MTMR7: variants seen among roughly 807,000 people sequenced by gnomAD.
The protein encoded by MTMR7 is myotubularin related protein 7.
MTMR7 carries 76 observed loss-of-function variants against 81.2 expected under a neutral mutation model. That is an observed-to-expected ratio of 0.94 (90% confidence interval 0.78 to 1.13). MTMR7 has a LOEUF of 1.13. Ranked by LOEUF, MTMR7 falls within the 50% of genes most tolerant of loss-of-function variation. The pLI, the probability that MTMR7 is intolerant of heterozygous loss-of-function variation, is 0.00. For synonymous variants in MTMR7, 372 were observed against 289.8 expected, an observed-to-expected ratio of 1.28 and a Z score of -2.88; for missense variants, 1,044 against 820.0, an observed-to-expected ratio of 1.27 and a Z score of -3.34.
intron 6 of MTMR7, among the ~76,000 whole-genome samples, chr8:17,336,126 A>G (rs914665239): frequency 3.3e-5 from 5 of 152,214 alleles, no homozygotes; most frequent in African/African-American, 1.2e-4. Context: ...CCCAAGGTAT[A>G]GATGCAGGTT....
chr8:17,392,599 G>T (rs1821136636), intron 1 of MTMR7, among the ~76,000 whole-genome samples: 1 of 152,222 alleles, frequency 6.6e-6, no homozygotes, highest in Non-Finnish European at 1.5e-5. Context: ...TGCCTCATAG[G>T]CCACTGCAGA....
chr8:17,337,689 CA>C (rs1819288185), intron 6 of MTMR7, among the ~76,000 whole-genome samples: 1 of 149,090 alleles, frequency 6.7e-6, no homozygotes, highest in African/African-American at 2.5e-5. Context: ...AATCACAGGT[CA>C]GTGCAGCCTC....
intron 1 of MTMR7, among the ~76,000 whole-genome samples, chr8:17,391,412 T>A (rs952667498): frequency 6.6e-5 from 10 of 152,214 alleles, no homozygotes; most frequent in Non-Finnish European, 1.3e-4. Context: ...AAAGAATTTT[T>A]ACAAATTCTT....
intron 1 of MTMR7, among the ~76,000 whole-genome samples, chr8:17,403,606 C>G (rs1024926034): frequency 1.3e-5 from 2 of 152,074 alleles, no homozygotes; most frequent in African/African-American, 4.8e-5. Flanking sequence ...CTATTTCTGT[C>G]AAGAATGGCA....
intron 10 of MTMR7, among the ~76,000 whole-genome samples, chr8:17,306,609 G>C (rs1241145732): frequency 6.6e-6 from 1 of 152,084 alleles, no homozygotes. Flanking sequence ...ACTACTGTGT[G>C]AGTTTTACAG....
intron 10 of MTMR7, among the ~76,000 whole-genome samples, chr8:17,308,528 A>G (rs1208388308): frequency 6.6e-6 from 1 of 152,252 alleles, no homozygotes; most frequent in Non-Finnish European, 1.5e-5. Flanking sequence ...TTTTAAGAAA[A>G]CACAGTAAAA....
At chr8:17,335,554 G>C (rs1222418417) in intron 6 of MTMR7, among the ~76,000 whole-genome samples, 1 of 152,204 alleles carries the variant, frequency 6.6e-6, no homozygotes, top group Non-Finnish European at 1.5e-5. Context: ...CGCTGACATG[G>C]TTGGGAAATG....
At chr8:17,337,100 C>T (rs2239875) in intron 6 of MTMR7, among the ~76,000 whole-genome samples, 1,867 of 152,138 alleles carry the variant, frequency 0.012, 41 homozygotes, top group East Asian at 0.074. Flanking sequence ...GGCTGGGCAC[C>T]GTGGCTCACG....
At chr8:17,351,588 C>A (rs893079795) in intron 4 of MTMR7, among the ~76,000 whole-genome samples, 1 of 152,234 alleles carries the variant, frequency 6.6e-6, no homozygotes, top group Non-Finnish European at 1.5e-5. Context: ...GCTCAACAAC[C>A]TGCGCCCAGT....
chr8:17,322,580 G>C (rs1392018557), intron 7 of MTMR7, among the ~76,000 whole-genome samples: 2 of 152,194 alleles, frequency 1.3e-5, no homozygotes, highest in African/African-American at 4.8e-5. Context: ...AGAACTTTGG[G>C]AGGCCAAGGC....
chr8:17,299,112 A>C lies in MTMR7; in HGVS notation c.*750T>G, dbSNP rs749758647. 1 of 152,212 alleles carries C rather than the reference A, an allele frequency of 6.6e-6. No homozygotes were observed. The highest frequency in any genetic ancestry group is 2.4e-5 in the African/African-American group (1 of 41,464). 9.4% of individuals were successfully genotyped at this position (152,212 alleles called of 1,614,324 possible). A position where few individuals can be genotyped will look rare whatever the true frequency, so the allele number is the denominator to read the frequency against. On this transcript the variant is annotated 3_prime_UTR_variant, in exon 14 of 14. Transcript: ENST00000180173. ...ATAAAAGGTTATTACAAGAAAGCTG[A>C]TACTTAAATTCATATGTAAGACCAG...
At chr8:17,354,604 G>C (rs1420505803) in intron 4 of MTMR7, among the ~76,000 whole-genome samples, 1 of 152,144 alleles carries the variant, frequency 6.6e-6, no homozygotes, top group African/African-American at 2.4e-5. Context: ...TGTATTCTAC[G>C]TCTGCTGTTA....
At chr8:17,377,238 G>A (rs1038754588) in intron 1 of MTMR7, among the ~76,000 whole-genome samples, 1 of 151,882 alleles carries the variant, frequency 6.6e-6, no homozygotes, top group Non-Finnish European at 1.5e-5. Flanking sequence ...TTTAGTAATG[G>A]TTTCAACTTC....
intron 7 of MTMR7, among the ~76,000 whole-genome samples, chr8:17,317,236 C>T (rs942784747): frequency 1.3e-5 from 2 of 152,192 alleles, no homozygotes; most frequent in Admixed American, 1.3e-4. Flanking sequence ...ACACAGGATG[C>T]TGGCTGGCAG....
rs562007857 is a variant in MTMR7, at chr8:17,371,322, C to A, written c.148-123G>T. The stretch of plus-strand genomic sequence containing the variant: ...GCTCCCCAACCTCCAGCTAGCTCAA[C>A]CCTTGCGTTCAGATGACAAGCACTG... On this transcript the variant is annotated intron_variant, in intron 2 of 13. Transcript: ENST00000180173. The A allele has an allele frequency of 1.0e-4, 112 of 1,076,004 alleles. 1 individual carries two copies. In the African/African-American group the frequency reaches 1.6e-3, roughly 15 times the overall value. The allele number at this position is 1,076,004 out of a possible 1,614,324, so 66.7% of individuals were successfully genotyped here.
intron 8 of MTMR7, 118 bp from the exon 9 acceptor site, chr8:17,311,754 T>C (rs1817793530): frequency 3.4e-6 from 5 of 1,480,442 alleles, no homozygotes; most frequent in Non-Finnish European, 4.6e-6. Flanking sequence ...ACGAAACACC[T>C]GTCCATTCGT....
rs568703171 is a variant in MTMR7 at position 17,319,232 on chromosome 8, C to T, written c.866-5831G>A. Among the ~76,000 whole-genome samples the T allele has an allele frequency of 1.6e-3, 237 of 152,260 alleles. 1 individual carries two copies. The highest frequency in any genetic ancestry group is 5.5e-3 in the African/African-American group (229 of 41,536). On this transcript the variant is annotated intron_variant, in intron 7 of 13. Coordinates refer to ENST00000180173, the MANE Select transcript of MTMR7 (RefSeq NM_004686.5). Reference sequence around the variant, plus strand: ...GTAACCTGGGCTAGTTACTGAGCCTCGCTGTCTTCAAATATAAAATGGGGA... The same window carrying T: ...GTAACCTGGGCTAGTTACTGAGCCTTGCTGTCTTCAAATATAAAATGGGGA...
In MTMR7 at chr8:17,298,667, ATATAT is replaced by A. The variant is rs1374264948; in HGVS notation, c.*1190_*1194del. On this transcript the variant is annotated 3_prime_UTR_variant, in exon 14 of 14. Coordinates refer to ENST00000180173, the MANE Select transcript of MTMR7 (RefSeq NM_004686.5). ...TCCTTTTACATTCTAGAATGTACTA[ATATAT>A]TAAAACCATACAGTGTGAATACCAT... The A allele has an allele frequency of 6.6e-6, 1 of 152,570 alleles. No homozygotes were observed. 9.5% of individuals were successfully genotyped at this position (152,570 alleles called of 1,614,324 possible). A position where few individuals can be genotyped will look rare whatever the true frequency, so the allele number is the denominator to read the frequency against.
At chr8:17,355,611 A>G (rs191302927) in intron 4 of MTMR7, among the ~76,000 whole-genome samples, 2 of 152,312 alleles carry the variant, frequency 1.3e-5, no homozygotes, top group African/African-American at 4.8e-5. Flanking sequence ...AAAACATGGT[A>G]AGAAAGATTG....
Sources: gnomAD v4.1 joint callset for allele counts (sites outside exome capture counted in the v4.1 genomes callset) on GRCh38, gnomAD v4.1.1 for gene constraint, MANE v1.5 for transcripts, NCBI Gene and HGNC (gene_info 2026-07-23, HGNC 2026-07-21) for gene names.